ZFYVE28: variants seen among roughly 807,000 people sequenced by gnomAD.
The protein encoded by ZFYVE28 is lateral signaling target protein 2 homolog.
In ZFYVE28, 40 loss-of-function variants were observed where a neutral mutation model predicts 82.1. The observed-to-expected ratio is 0.49, with a 90% CI of 0.38 to 0.63. ZFYVE28 has a LOEUF of 0.63. Among genes scored for constraint, ZFYVE28 ranks in the 30% least tolerant of loss-of-function variants. ZFYVE28 has a pLI of 0.00. For synonymous variants in ZFYVE28, 612 were observed against 546.1 expected (o/e 1.12, Z -1.68); for missense variants, 1,321 against 1,242.1 (o/e 1.06, Z -0.96).
chr4:2,293,107 A>C (rs977850904), intron 8 of ZFYVE28, among the ~76,000 whole-genome samples: 41 of 152,324 alleles, frequency 2.7e-4, no homozygotes, highest in African/African-American at 9.9e-4. Flanking sequence ...ATTAAAAAAA[A>C]AAAAAACCTC....
intron 8 of ZFYVE28, among the ~76,000 whole-genome samples, chr4:2,281,281 C>T (rs971473232): frequency 6.6e-6 from 1 of 152,168 alleles, no homozygotes; most frequent in African/African-American, 2.4e-5. Context: ...CAGGATTTCA[C>T]CGAGAGCATG....
rs1213982737 is a variant in ZFYVE28 at position 2,291,338 on chromosome 4, C to A, written c.2051+12951G>T. On this transcript the variant is annotated intron_variant, in intron 8 of 12. Transcript: ENST00000290974. ...CCTGGTCCCATGGGGTGGAGGAAAA[C>A]GACCCCTTGAGAATGCTTCCTGGAG... 3.3e-5 allele frequency among the ~76,000 whole-genome samples: 5 copies of A among 152,190 alleles called. No homozygotes were observed. The South Asian group carries it at 1.0e-3, about 31-fold the overall frequency.
chr4:2,271,794 G>C lies in ZFYVE28; in HGVS notation c.2324-15C>G. ...AGTCTGGGTGACTAGTGGAGAAGGG[G>C]GGCCGTCGGGGTATGGTGAGGGAGG... On this transcript the variant is annotated splice_polypyrimidine_tract_variant and intron_variant, in intron 10 of 12. Coordinates refer to ENST00000290974, the MANE Select transcript of ZFYVE28 (RefSeq NM_020972.3). The C allele has an allele frequency of 6.2e-7, 1 of 1,611,322 alleles. No homozygotes were observed.
intron 7 of ZFYVE28, among the ~76,000 whole-genome samples, chr4:2,309,679 A>G (rs146150854): frequency 2.3e-3 from 346 of 152,298 alleles, no homozygotes; most frequent in Middle Eastern, 6.8e-3. Flanking sequence ...ACAATGTTAA[A>G]TGGAGATAGT....
At chr4:2,311,065 A>C (rs753885927) in intron 7 of ZFYVE28, among the ~76,000 whole-genome samples, 5 of 152,180 alleles carry the variant, frequency 3.3e-5, no homozygotes, top group Non-Finnish European at 7.3e-5. Flanking sequence ...AAATTGTCAA[A>C]TTTAGTGATA....
At chr4:2,331,027 G>A in intron 6 of ZFYVE28, 2 of 1,523,832 alleles carry the variant, frequency 1.3e-6, no homozygotes, top group Non-Finnish European at 1.8e-6. Context: ...CACGTGTTCT[G>A]GGATGGGCTG....
chr4:2,397,502 C>T (rs1471765351), intron 1 of ZFYVE28, among the ~76,000 whole-genome samples: 2 of 150,102 alleles, frequency 1.3e-5, no homozygotes, highest in Admixed American at 6.7e-5. Flanking sequence ...AATTTATTCA[C>T]ATTGCTGTGC....
chr4:2,377,045 G>A (rs959028857), intron 1 of ZFYVE28, among the ~76,000 whole-genome samples: 12 of 150,226 alleles, frequency 8.0e-5, no homozygotes, highest in South Asian at 2.1e-4. Context: ...TTTCTGAGAC[G>A]GAGTCTCGCT....
intron 8 of ZFYVE28, among the ~76,000 whole-genome samples, chr4:2,303,501 G>A (rs919094268): frequency 6.6e-6 from 1 of 152,192 alleles, no homozygotes; most frequent in Non-Finnish European, 1.5e-5. Context: ...GAGGCCTATA[G>A]ACACGGCCAC....
intron 1 of ZFYVE28, among the ~76,000 whole-genome samples, chr4:2,395,245 G>GAGCCTCAGGAAGGCACT (rs1188329504): frequency 6.6e-6 from 1 of 152,228 alleles, no homozygotes. Context: ...GGAAGGCACT[G>GAGCCTCAGGAAGGCACT]AACTCAAGTT....
intron 1 of ZFYVE28, among the ~76,000 whole-genome samples, chr4:2,380,409 C>T (rs1329160802): frequency 6.6e-6 from 1 of 152,202 alleles, no homozygotes; most frequent in Non-Finnish European, 1.5e-5. Context: ...GCCGAGTTAT[C>T]GGCTAAGAAT....
chr4:2,301,912 G>A (rs928431408), intron 8 of ZFYVE28, among the ~76,000 whole-genome samples: 9 of 152,172 alleles, frequency 5.9e-5, no homozygotes, highest in Admixed American at 5.2e-4. Flanking sequence ...GGCTGTTCGC[G>A]CGAGGCTGTT....
intron 1 of ZFYVE28, among the ~76,000 whole-genome samples, chr4:2,356,800 C>T (rs1471424584): frequency 6.6e-6 from 1 of 152,330 alleles, no homozygotes; most frequent in Middle Eastern, 3.4e-3. Flanking sequence ...GCCCGAGCCC[C>T]AGGGAGTGCT....
rs980725668 is a variant in ZFYVE28 at position 2,320,500 on chromosome 4, A to G, written c.702-229T>C. Among the ~76,000 whole-genome samples the G allele has an allele frequency of 2.6e-5, 4 of 152,266 alleles. No individual in the cohort carries two copies. The highest frequency in any genetic ancestry group is 9.6e-5 in the African/African-American group (4 of 41,472). ...ACTTCATCCTCTTTTGCAGTTGATT[A>G]GCTTGTGTTCATTGGAGGGGTCATA... On this transcript the variant is annotated intron_variant, in intron 6 of 12. Coordinates refer to ENST00000290974, the MANE Select transcript of ZFYVE28 (RefSeq NM_020972.3). This position sits in a 1 kb window ranked among gnomAD's most constrained non-coding sequence, Gnocchi z 5.1.
At position 2,341,419 on chromosome 4, in the gene ZFYVE28, G is replaced by T. The variant is rs2108864497; in HGVS notation, c.318+59C>A. 3 of 1,599,280 alleles carry T rather than the reference G, an allele frequency of 1.9e-6. No individual in the cohort carries two copies. Among genetic ancestry groups the T allele is most frequent in the South Asian group, 2.2e-5 (2 of 89,552 alleles). On this transcript the variant is annotated intron_variant, in intron 3 of 12. Coordinates refer to ENST00000290974, the MANE Select transcript of ZFYVE28 (RefSeq NM_020972.3). The surrounding 1 kb of genome is among the most constrained non-coding windows in gnomAD (Gnocchi z 4.5). ...AGGCGCCCATGCACAAGGTTCGCAG[G>T]GACTTGGCTAGACGCCACCCCACAT...
At chr4:2,294,067 C>A (rs1355569294) in intron 8 of ZFYVE28, among the ~76,000 whole-genome samples, 1 of 145,608 alleles carries the variant, frequency 6.9e-6, no homozygotes, top group Non-Finnish European at 1.5e-5. Context: ...ATCAAAATCC[C>A]AGCAGGCTTT....
intron 8 of ZFYVE28, among the ~76,000 whole-genome samples, chr4:2,291,305 G>A (rs1416689679): frequency 1.3e-5 from 2 of 152,216 alleles, no homozygotes; most frequent in Non-Finnish European, 2.9e-5. Context: ...TGTTCCCCCT[G>A]GAATTTTCCT....
At chr4:2,365,243 C>T (rs573254719) in intron 1 of ZFYVE28, among the ~76,000 whole-genome samples, 1 of 152,078 alleles carries the variant, frequency 6.6e-6, no homozygotes, top group South Asian at 2.1e-4. Flanking sequence ...GAGCGCAGTG[C>T]GCGGAGGCCA....
intron 1 of ZFYVE28, among the ~76,000 whole-genome samples, chr4:2,373,993 C>A (rs1007568103): frequency 3.9e-5 from 6 of 152,196 alleles, no homozygotes; most frequent in African/African-American, 1.4e-4. Context: ...GCTACCTCAT[C>A]CCAGCCAGTC....
Sources: gnomAD v4.1 joint callset for allele counts (sites outside exome capture counted in the v4.1 genomes callset) on GRCh38, gnomAD v4.1.1 for gene constraint, Gnocchi (gnomAD v3.1) non-coding constraint, MANE v1.5 for transcripts, NCBI Gene and HGNC (gene_info 2026-07-23, HGNC 2026-07-21) for gene names.